The following NKAIN2 variants were observed in gnomAD, a reference collection of about 807,000 sequenced individuals.
The protein encoded by NKAIN2 is sodium/potassium-transporting ATPase subunit beta-1-interacting protein 2.
Under a neutral mutation model 32.6 loss-of-function variants are expected in NKAIN2, and 14 were observed. The observed-to-expected ratio is 0.43, with a 90% CI of 0.28 to 0.67. NKAIN2 has a LOEUF of 0.67. NKAIN2 is among the 30% of genes least tolerant of loss of function. NKAIN2 has a pLI of 0.17. For missense variants in NKAIN2, 198 were observed against 258.3 expected (o/e 0.77, Z 1.60); for synonymous variants, 80 against 87.2 (o/e 0.92, Z 0.46).
At chr6:124,819,906 C>T (rs1296341401) in intron 6 of NKAIN2, among the ~76,000 whole-genome samples, 1 of 152,088 alleles carries the variant, frequency 6.6e-6, no homozygotes, top group African/African-American at 2.4e-5. Flanking sequence ...TTTTTCTTGC[C>T]TTATCCAAAT....
intron 1 of NKAIN2, among the ~76,000 whole-genome samples, chr6:123,833,425 A>G (rs761325370): frequency 2.0e-5 from 3 of 152,146 alleles, no homozygotes; most frequent in Non-Finnish European, 4.4e-5. Flanking sequence ...TTGCCTTTCC[A>G]TATAAGCTTT....
intron 1 of NKAIN2, among the ~76,000 whole-genome samples, chr6:124,221,607 A>G (rs1459419692): frequency 6.6e-6 from 1 of 152,178 alleles, no homozygotes; most frequent in Admixed American, 6.5e-5. Flanking sequence ...GTAGAATGTT[A>G]CCAGTAAGAG....
chr6:123,985,774 C>G (rs554957338), intron 1 of NKAIN2, among the ~76,000 whole-genome samples: 1 of 152,202 alleles, frequency 6.6e-6, no homozygotes, highest in South Asian at 2.1e-4. Context: ...AAAATCCTAG[C>G]CTAGACTTCT....
At chr6:124,080,739 C>A (rs1019742040) in intron 1 of NKAIN2, among the ~76,000 whole-genome samples, 4 of 99,550 alleles carry the variant, frequency 4.0e-5, no homozygotes, top group Non-Finnish European at 6.3e-5. Flanking sequence ...CAAAAACACT[C>A]CCCCCCTCCA....
intron 3 of NKAIN2, among the ~76,000 whole-genome samples, chr6:124,535,137 C>G (rs1371949624): frequency 1.3e-5 from 2 of 152,130 alleles, no homozygotes; most frequent in Non-Finnish European, 2.9e-5. Context: ...TATTTTCAAT[C>G]CACAGTTGAT....
At chr6:124,331,379 A>AAAAAG (rs1797651235) in intron 2 of NKAIN2, among the ~76,000 whole-genome samples, 2 of 126,740 alleles carry the variant, frequency 1.6e-5, no homozygotes, top group African/African-American at 2.8e-5. Flanking sequence ...AAAAAAAAAA[A>AAAAAG]CTAGCTGGGC....
rs530772713 is a variant in NKAIN2 at position 124,438,192 on chromosome 6, A to T, written c.273+82845A>T. Among the ~76,000 whole-genome samples, 3 of 152,254 alleles carry T rather than the reference A, an allele frequency of 2.0e-5. No individual in the cohort carries two copies. The East Asian group carries it at 5.8e-4, about 29-fold the overall frequency. ...AAAGAAAACCAAAATTTAGCTTGAT[A>T]ATCAGCGTCAAGCTGCAATAATTGT... is the stretch of plus-strand genomic sequence containing the variant. On this transcript the variant is annotated intron_variant, in intron 3 of 6. Transcript: ENST00000368417.
intron 3 of NKAIN2, among the ~76,000 whole-genome samples, chr6:124,493,156 T>C (rs1185513688): frequency 6.6e-6 from 1 of 151,832 alleles, no homozygotes; most frequent in Non-Finnish European, 1.5e-5. Flanking sequence ...ATTATTAATA[T>C]TTGAAGAATT....
rs768021157 is a variant in NKAIN2, at chr6:124,658,404, A to C, written c.474+18A>C. On this transcript the variant is annotated intron_variant, in intron 4 of 6. Transcript: ENST00000368417. ...TCCTCGCAGTAAGTGTTGGCAGCCA[A>C]CCGCTCCTTCTAGTGCCTCTGGGGT... 3.1e-6 allele frequency: 5 copies of C among 1,614,066 alleles called. No homozygotes were observed. Among genetic ancestry groups the C allele is most frequent in the Non-Finnish European group, 4.2e-6 (5 of 1,180,004 alleles).
intron 1 of NKAIN2, among the ~76,000 whole-genome samples, chr6:124,105,187 G>C (rs1001896971): frequency 6.6e-6 from 1 of 152,158 alleles, no homozygotes; most frequent in South Asian, 2.1e-4. Context: ...TGTTTCCTGG[G>C]TATGGGTCCA....
intron 1 of NKAIN2, among the ~76,000 whole-genome samples, chr6:123,949,429 G>A (rs186262444): frequency 2.6e-5 from 4 of 151,972 alleles, no homozygotes; most frequent in African/African-American, 9.6e-5. Flanking sequence ...CTTCTGATCC[G>A]TGAGCATAGT....
At chr6:124,430,874 G>A (rs559146172) in intron 3 of NKAIN2, among the ~76,000 whole-genome samples, 31 of 152,100 alleles carry the variant, frequency 2.0e-4, no homozygotes, top group Admixed American at 5.2e-4. Flanking sequence ...ACACACGCGC[G>A]CGCACATACA....
intron 1 of NKAIN2, among the ~76,000 whole-genome samples, chr6:124,060,463 T>C (rs764217082): frequency 1.5e-4 from 23 of 152,208 alleles, no homozygotes; most frequent in South Asian, 6.2e-4. Flanking sequence ...AAAGCACAGG[T>C]TGGGGCAGTG....
intron 3 of NKAIN2, among the ~76,000 whole-genome samples, chr6:124,392,459 G>A (rs1040210722): frequency 1.3e-5 from 2 of 152,240 alleles, no homozygotes; most frequent in Middle Eastern, 3.4e-3. Flanking sequence ...TAAATCATAA[G>A]CAAAGCAGAG....
Position 123,976,358 on chromosome 6 carries a change from TATATATATA to T in NKAIN2, c.54+172105_54+172113del, listed in dbSNP as rs1778609200. 1.7e-4 allele frequency among the ~76,000 whole-genome samples: 6 copies of T among 35,242 alleles called. 1 individual carries two copies. The highest frequency in any genetic ancestry group is 2.5e-4 in the Non-Finnish European group (5 of 19,690). 23.1% of individuals were successfully genotyped at this position (35,242 alleles called of 152,430 possible). On this transcript the variant is annotated intron_variant, in intron 1 of 6. Coordinates refer to ENST00000368417, the MANE Select transcript of NKAIN2 (RefSeq NM_001040214.3). Reference sequence around the variant, plus strand: ...ATATATATATGTTCCCATATATATATATATATATATTCCCATATATATATATATATATAT... The same window carrying T: ...ATATATATATGTTCCCATATATATATTTCCCATATATATATATATATATAT...
chr6:124,312,268 A>G (rs528712026), intron 2 of NKAIN2, among the ~76,000 whole-genome samples: 4 of 152,140 alleles, frequency 2.6e-5, no homozygotes, highest in African/African-American at 9.7e-5. Context: ...CAAGAAGTCT[A>G]TTCTGCTGCA....
rs547162431 is a variant in NKAIN2, at chr6:124,159,961, T to C, written c.55-123044T>C. ...CAGCCAGTGTTTGCCCTCCCTTTTTTCTTACTACTCCTTTCTTGTTTTTGA... is the reference window on the plus strand; with the variant it reads ...CAGCCAGTGTTTGCCCTCCCTTTTTCCTTACTACTCCTTTCTTGTTTTTGA... On this transcript the variant is annotated intron_variant, in intron 1 of 6. Coordinates refer to ENST00000368417, the MANE Select transcript of NKAIN2 (RefSeq NM_001040214.3). Among the ~76,000 whole-genome samples the C allele has an allele frequency of 3.9e-5, 6 of 152,324 alleles. No homozygotes were observed. In the South Asian group the frequency reaches 1.2e-3, roughly 32 times the overall value.
At chr6:124,504,586 T>C (rs1183400720) in intron 3 of NKAIN2, among the ~76,000 whole-genome samples, 1 of 152,208 alleles carries the variant, frequency 6.6e-6, no homozygotes, top group Non-Finnish European at 1.5e-5. Context: ...TTTTAAATTA[T>C]TTTGAGCACA....
intron 1 of NKAIN2, among the ~76,000 whole-genome samples, chr6:123,981,297 T>C (rs1778886324): frequency 6.6e-6 from 1 of 152,132 alleles, no homozygotes; most frequent in African/African-American, 2.4e-5. Flanking sequence ...ATAATAGGTA[T>C]GCATATACTT....
Sources: allele counts gnomAD v4.1 joint callset (sites outside exome capture counted in the v4.1 genomes callset), GRCh38; gene constraint gnomAD v4.1.1; transcripts MANE v1.5; gene names NCBI Gene and HGNC (gene_info 2026-07-23, HGNC 2026-07-21).